The following LIPI variants were observed in gnomAD, a reference collection of about 807,000 sequenced individuals.
LIPI encodes lipase I, also known as lipase member I.
In LIPI, 59 loss-of-function variants were observed where a neutral mutation model predicts 50.6. That is an observed-to-expected ratio of 1.16 (90% CI 0.94 to 1.45). The LOEUF (loss-of-function observed/expected upper bound fraction) is 1.45, where lower values mean the gene tolerates loss of function less well. Ranked by LOEUF, LIPI falls within the 40% of genes most tolerant of loss-of-function variation. LIPI has a pLI of 0.00. For missense variants in LIPI, 586 were observed against 536.3 expected, an observed-to-expected ratio of 1.09 and a Z score of -0.92; for synonymous variants, 203 against 178.2, an observed-to-expected ratio of 1.14 and a Z score of -1.11.
chr21:14,118,664 G>A (rs1600828395), intron 9 of LIPI, among the ~76,000 whole-genome samples: 1 of 152,180 alleles, frequency 6.6e-6, no homozygotes, highest in African/African-American at 2.4e-5. Flanking sequence ...ATATAGTGTG[G>A]CTGAAAGAGA....
At chr21:14,184,803 A>G (rs185620021) in intron 3 of LIPI, among the ~76,000 whole-genome samples, 1 of 152,328 alleles carries the variant, frequency 6.6e-6, no homozygotes, top group Non-Finnish European at 1.5e-5. Flanking sequence ...GTATAAGTAA[A>G]TCCTGGCTAA....
chr21:14,129,802 T>TC (rs199892900), intron 9 of LIPI, among the ~76,000 whole-genome samples: 1,778 of 142,068 alleles, frequency 0.013, 35 homozygotes, highest in African/African-American at 0.045. Context: ...CTAATTGTTT[T>TC]TTTTTTTAAA....
intron 3 of LIPI, among the ~76,000 whole-genome samples, chr21:14,182,337 A>G (rs1416834037): frequency 6.6e-6 from 1 of 152,082 alleles, no homozygotes; most frequent in Non-Finnish European, 1.5e-5. Context: ...CATTTCTCGT[A>G]AGACTTTCTC....
At chr21:14,207,576 T>A (rs1328018248) in intron 1 of LIPI, among the ~76,000 whole-genome samples, 1 of 152,122 alleles carries the variant, frequency 6.6e-6, no homozygotes, top group Non-Finnish European at 1.5e-5. Flanking sequence ...TTCCCAAGAA[T>A]GATCTTAAAA....
At chr21:14,199,076 T>C (rs892958007) in intron 1 of LIPI, among the ~76,000 whole-genome samples, 3 of 152,092 alleles carry the variant, frequency 2.0e-5, no homozygotes, top group African/African-American at 2.4e-5. Flanking sequence ...CATACCAGAA[T>C]CTTTGGGACA....
intron 1 of LIPI, among the ~76,000 whole-genome samples, chr21:14,202,134 A>T (rs1233419841): frequency 3.9e-5 from 6 of 152,356 alleles, no homozygotes; most frequent in African/African-American, 1.4e-4. Context: ...AGGGATGTGA[A>T]GGACCTCTTC....
chr21:14,189,211 T>C lies in LIPI; in HGVS notation c.255A>G (p.Pro85=). ...KTVWLIHGYR[P]VGSIPLWLQN... ...GAAGCCATAATGGGATGGAGCCTACTGGTCTGTATCCGTGAATAAGCCAGA... is the reference window on the plus strand; with the variant it reads ...GAAGCCATAATGGGATGGAGCCTACCGGTCTGTATCCGTGAATAAGCCAGA... The change falls in exon 2 of 10, where the codon CCA becomes CCG. Residue 85 remains proline (P), a synonymous_variant. Transcript: ENST00000681601. 1 of 1,614,054 alleles carries C rather than the reference T, an allele frequency of 6.2e-7. No individual in the cohort carries two copies. The highest frequency in any genetic ancestry group is 8.5e-7 in the Non-Finnish European group (1 of 1,179,900).
At chr21:14,199,220 A>G (rs950406588) in intron 1 of LIPI, among the ~76,000 whole-genome samples, 1 of 152,026 alleles carries the variant, frequency 6.6e-6, no homozygotes, top group African/African-American at 2.4e-5. Flanking sequence ...ATCACAAACT[A>G]GCAGAGACAA....
chr21:14,189,220 T>C lies in LIPI; in HGVS notation c.246A>G (p.Gly82=). The change falls in exon 2 of 10, where the codon GGA becomes GGG. Residue 82 remains glycine, a synonymous_variant. Transcript: ENST00000681601. ...TQKKTVWLIH[G]YRPVGSIPLW... is the part of the protein sequence containing the mutation. ...ATGGGATGGAGCCTACTGGTCTGTA[T>C]CCGTGAATAAGCCAGACTGTTTTCT... 1 of 1,614,098 alleles carries C rather than the reference T, an allele frequency of 6.2e-7. No individual in the cohort carries two copies. The highest frequency in any genetic ancestry group is 8.5e-7 in the Non-Finnish European group (1 of 1,179,960).
At chr21:14,142,990 A>T (rs1467662798) in intron 9 of LIPI, among the ~76,000 whole-genome samples, 1 of 152,132 alleles carries the variant, frequency 6.6e-6, no homozygotes, top group Non-Finnish European at 1.5e-5. Flanking sequence ...TAGAGTAAAA[A>T]TTGCCCTGGA....
chr21:14,110,890 G>GAT (rs1320719383), intron 9 of LIPI, among the ~76,000 whole-genome samples: 3 of 148,294 alleles, frequency 2.0e-5, no homozygotes, highest in South Asian at 2.1e-4. Flanking sequence ...ATATATAGGT[G>GAT]ATATATATAT....
intron 9 of LIPI, among the ~76,000 whole-genome samples, chr21:14,135,724 T>A (rs900003230): frequency 6.6e-6 from 1 of 152,120 alleles, no homozygotes; most frequent in Non-Finnish European, 1.5e-5. Context: ...TGAAAGGCAG[T>A]CTAGGCCTTC....
intron 7 of LIPI, among the ~76,000 whole-genome samples, chr21:14,157,232 T>C (rs1039030278): frequency 1.3e-5 from 2 of 151,932 alleles, no homozygotes; most frequent in African/African-American, 2.4e-5. Context: ...CTAGCAAGTT[T>C]ACTAAGATAC....
chr21:14,155,162 T>C (rs531930658), intron 7 of LIPI, among the ~76,000 whole-genome samples: 143 of 152,116 alleles, frequency 9.4e-4, no homozygotes, highest in African/African-American at 3.2e-3. Context: ...GAATAGTGCA[T>C]TGGACTTCCA....
chr21:14,206,861 G>T (rs756791537), intron 1 of LIPI: 8 of 1,612,652 alleles, frequency 5.0e-6, no homozygotes, highest in Non-Finnish European at 6.8e-6. Context: ...TTCTGGGTGA[G>T]AACTGAAAAG....
intron 8 of LIPI, among the ~76,000 whole-genome samples, chr21:14,151,035 C>A (rs950748825): frequency 6.6e-6 from 1 of 152,160 alleles, no homozygotes; most frequent in South Asian, 2.1e-4. Flanking sequence ...TTTTGCTGGA[C>A]TTGTAACCCA....
At chr21:14,145,059 T>C (rs538593435) in intron 8 of LIPI, among the ~76,000 whole-genome samples, 1 of 152,162 alleles carries the variant, frequency 6.6e-6, no homozygotes, top group South Asian at 2.1e-4. Flanking sequence ...AAGTGACATG[T>C]CTTTCTGAGT....
At chr21:14,155,657 G>C (rs1406673974) in intron 7 of LIPI, among the ~76,000 whole-genome samples, 4 of 151,894 alleles carry the variant, frequency 2.6e-5, no homozygotes, top group African/African-American at 9.7e-5. Context: ...GAGGTCAAAA[G>C]AAAATATAAC....
intron 9 of LIPI, among the ~76,000 whole-genome samples, chr21:14,117,387 A>G (rs2123321295): frequency 6.6e-6 from 1 of 152,322 alleles, no homozygotes; most frequent in Non-Finnish European, 1.5e-5. Flanking sequence ...GCAGAGTAAT[A>G]CAAGTGGCTA....
Sources: allele counts gnomAD v4.1 joint callset (sites outside exome capture counted in the v4.1 genomes callset), GRCh38; gene constraint gnomAD v4.1.1; transcripts MANE v1.5; gene names NCBI Gene and HGNC (gene_info 2026-07-23, HGNC 2026-07-21).